The following ELK3 variants were observed in gnomAD, a reference collection of about 807,000 sequenced individuals.
ELK3 encodes ETS transcription factor ELK3.
In ELK3, 10 loss-of-function variants were observed where a neutral mutation model predicts 28.9. The observed-to-expected ratio is 0.35, with a 90% CI of 0.21 to 0.59. The LOEUF (loss-of-function observed/expected upper bound fraction) is 0.59, where lower values mean the gene tolerates loss of function less well. Among genes scored for constraint, ELK3 ranks in the 20% least tolerant of loss-of-function variants. The pLI is 0.82. For missense variants in ELK3, 463 were observed against 517.3 expected, an observed-to-expected ratio of 0.90 and a Z score of 1.02; for synonymous variants, 272 against 243.5, an observed-to-expected ratio of 1.12 and a Z score of -1.09.
chr12:96,245,417 G>C (rs1051569985), intron 2 of ELK3, among the ~76,000 whole-genome samples: 23 of 152,044 alleles, frequency 1.5e-4, no homozygotes, highest in African/African-American at 5.3e-4. Context: ...TCCATCCCTG[G>C]GATCTTGTTT....
intron 2 of ELK3, among the ~76,000 whole-genome samples, chr12:96,237,613 G>A (rs1951793799): frequency 6.6e-6 from 1 of 152,218 alleles, no homozygotes; most frequent in South Asian, 2.1e-4. Flanking sequence ...ATAGGAGAGT[G>A]TGTATTCAGT....
intron 1 of ELK3, among the ~76,000 whole-genome samples, chr12:96,206,254 A>G (rs956189442): frequency 1.3e-5 from 2 of 152,136 alleles, no homozygotes; most frequent in African/African-American, 4.8e-5. Flanking sequence ...GATGATTCAA[A>G]TATTTTACCT....
chr12:96,225,622 C>T (rs1020508971), intron 2 of ELK3, among the ~76,000 whole-genome samples: 6 of 152,156 alleles, frequency 3.9e-5, no homozygotes, highest in Admixed American at 3.3e-4. Flanking sequence ...CACATGAGAA[C>T]GTGGAGGCTT....
chr12:96,244,092 T>C (rs537655078), intron 2 of ELK3, among the ~76,000 whole-genome samples: 3 of 152,112 alleles, frequency 2.0e-5, no homozygotes, highest in Non-Finnish European at 4.4e-5. Context: ...TTCCAAACAA[T>C]ATTCCTTATT....
rs1231935719 is a variant in ELK3 at position 96,247,068 on chromosome 12, C to T, written c.336C>T (p.Cys112=). The change falls in exon 3 of 5, where the codon TGC becomes TGT. Residue 112 remains cysteine, a synonymous_variant. Transcript: ENST00000228741. The surrounding 1 kb of genome is among the most constrained non-coding windows in gnomAD (Gnocchi z 5.5). ...RESLLLQDSD[C]KASPEGREAH... ...GCCTTCTGCTGCAGGACAGCGACTG[C>T]AAGGCGTCTCCGGAGGGCCGCGAGG... 2.5e-6 allele frequency: 4 copies of T among 1,613,906 alleles called. No homozygotes were observed. The highest frequency in any genetic ancestry group is 1.3e-5 in the African/African-American group (1 of 74,938).
At chr12:96,216,394 G>A (rs546515845) in intron 1 of ELK3, among the ~76,000 whole-genome samples, 1 of 152,310 alleles carries the variant, frequency 6.6e-6, no homozygotes, top group East Asian at 1.9e-4. Context: ...CAGTGCCCTA[G>A]CATCTGAGTT....
At chr12:96,231,602 C>T (rs796535427) in intron 2 of ELK3, among the ~76,000 whole-genome samples, 2 of 152,332 alleles carry the variant, frequency 1.3e-5, no homozygotes, top group South Asian at 2.1e-4. Flanking sequence ...AAGTGATTCT[C>T]CTGCCTCAGC....
chr12:96,238,535 C>G (rs1475610669), intron 2 of ELK3, among the ~76,000 whole-genome samples: 1 of 152,174 alleles, frequency 6.6e-6, no homozygotes, highest in African/African-American at 2.4e-5. Flanking sequence ...GTGCCATCAC[C>G]GGGCTGTATA....
Position 96,266,913 on chromosome 12 carries a change from G to C in ELK3, c.1126-169G>C, listed in dbSNP as rs1023020107. ...CCTTTGTTTGCTCTATGTAAATCTT[G>C]ATCTCATTGTCATCTTCCAATTATT... On this transcript the variant is annotated intron_variant, in intron 4 of 4. Coordinates refer to ENST00000228741, the MANE Select transcript of ELK3 (RefSeq NM_005230.4). Among the ~76,000 whole-genome samples the C allele has an allele frequency of 3.9e-5, 6 of 152,194 alleles. No homozygotes were observed. In the East Asian group the frequency reaches 1.2e-3, roughly 29 times the overall value.
chr12:96,200,914 C>T (rs1227595007), intron 1 of ELK3, among the ~76,000 whole-genome samples: 5 of 152,152 alleles, frequency 3.3e-5, no homozygotes, highest in African/African-American at 1.2e-4. Flanking sequence ...CTGCCTGTCT[C>T]CACCTCCAAA....
intron 2 of ELK3, among the ~76,000 whole-genome samples, chr12:96,239,332 T>C (rs141310636): frequency 4.6e-5 from 7 of 152,284 alleles, no homozygotes; most frequent in Non-Finnish European, 1.0e-4. Context: ...CCCCACCTAA[T>C]GTATATTTAA....
chr12:96,219,978 G>C (rs1951650899), intron 1 of ELK3, among the ~76,000 whole-genome samples: 1 of 152,180 alleles, frequency 6.6e-6, no homozygotes, highest in African/African-American at 2.4e-5. Context: ...GGAGCCCTTA[G>C]TCACCTCCGC....
rs1007669593 is a variant in ELK3, at chr12:96,269,555, C to T, written c.*2375C>T. Reference sequence around the variant, plus strand: ...ACTGAAGAATAACTCACTCATATAGCTCTGCCTCATTCTGTGTGTGTGTGC... The same window carrying T: ...ACTGAAGAATAACTCACTCATATAGTTCTGCCTCATTCTGTGTGTGTGTGC... On this transcript the variant is annotated 3_prime_UTR_variant, in exon 5 of 5. Transcript: ENST00000228741. The T allele has an allele frequency of 6.6e-6, 1 of 152,160 alleles. No individual in the cohort carries two copies. The highest frequency in any genetic ancestry group is 1.5e-5 in the Non-Finnish European group (1 of 68,030). 9.4% of individuals were successfully genotyped at this position (152,160 alleles called of 1,614,324 possible). A position where few individuals can be genotyped will look rare whatever the true frequency, so the allele number is the denominator to read the frequency against.
chr12:96,197,039 A>C (rs1210550778), intron 1 of ELK3, among the ~76,000 whole-genome samples: 1 of 152,204 alleles, frequency 6.6e-6, no homozygotes, highest in Non-Finnish European at 1.5e-5. Flanking sequence ...TAGGCTAACA[A>C]AACTTATAAT....
chr12:96,226,502 G>A (rs977373848), intron 2 of ELK3, among the ~76,000 whole-genome samples: 5 of 95,218 alleles, frequency 5.3e-5, no homozygotes, highest in Admixed American at 5.1e-4. Context: ...ATGTCCACAT[G>A]TGCACACCCA....
Position 96,269,451 on chromosome 12 carries a change from C to T in ELK3, c.*2271C>T, listed in dbSNP as rs1181954968. The T allele has an allele frequency of 6.6e-6, 1 of 152,110 alleles. No homozygotes were observed. The highest frequency in any genetic ancestry group is 2.4e-5 in the African/African-American group (1 of 41,404). The allele number at this position is 152,110 out of a possible 1,614,324, so 9.4% of individuals were successfully genotyped here. On this transcript the variant is annotated 3_prime_UTR_variant, in exon 5 of 5. Transcript: ENST00000228741. ...CTGGGATTAATGTATGCTCTAGATC[C>T]ATTTATTAGAAATGCAAAAATACTA...
chr12:96,260,863 G>T (rs1437680518), intron 4 of ELK3, among the ~76,000 whole-genome samples: 2 of 152,174 alleles, frequency 1.3e-5, no homozygotes, highest in East Asian at 1.9e-4. Context: ...ATTTCATCTA[G>T]CACGTGGCAC....
rs1284595420 is a variant in ELK3, at chr12:96,259,745, G to A, written c.1017G>A (p.Leu339=). 1.2e-6 allele frequency: 2 copies of A among 1,609,594 alleles called. No homozygotes were observed. The highest frequency in any genetic ancestry group is 1.7e-6 in the Non-Finnish European group (2 of 1,178,186). Residue 339 remains leucine (L), a synonymous_variant, in exon 4 of 5, where the codon TTG becomes TTA. Transcript: ENST00000228741. ...AFFTAQTPNG[L]LLTPSPLLSS... ...TTACTTCCCAGACACCAAATGGATT[G>A]CTTCTGACTCCGAGTCCACTGCTCT...
chr12:96,235,927 G>T (rs938027572), intron 2 of ELK3, among the ~76,000 whole-genome samples: 6 of 152,002 alleles, frequency 3.9e-5, no homozygotes, highest in Admixed American at 1.3e-4. Context: ...TCCTGGGTTC[G>T]AGCGATTCTC....
Sources: gnomAD v4.1 joint callset for allele counts (sites outside exome capture counted in the v4.1 genomes callset) on GRCh38, gnomAD v4.1.1 for gene constraint, Gnocchi (gnomAD v3.1) non-coding constraint, MANE v1.5 for transcripts, NCBI Gene and HGNC (gene_info 2026-07-23, HGNC 2026-07-21) for gene names.